Variants in MDGA2 observed in about 807,000 individuals in gnomAD.
MDGA2 encodes MAM domain-containing glycosylphosphatidylinositol anchor protein 2.
Under a neutral mutation model 117.8 loss-of-function variants are expected in MDGA2, and 40 were observed. The ratio of observed to expected loss-of-function variants is 0.34; its 90% CI spans 0.26 to 0.44. The LOEUF (loss-of-function observed/expected upper bound fraction) is 0.44. Ranked by LOEUF, MDGA2 falls within the 20% of genes least tolerant of loss-of-function variation. MDGA2 has a pLI of 1.00. For synonymous variants in MDGA2, 452 were observed against 439.0 expected (o/e 1.03, Z -0.37); for missense variants, 1,123 against 1,250.6 (o/e 0.90, Z 1.54).
At chr14:46,929,206 C>A (rs1481993460) in intron 9 of MDGA2, among the ~76,000 whole-genome samples, 1 of 152,000 alleles carries the variant, frequency 6.6e-6, no homozygotes, top group South Asian at 2.1e-4. Context: ...TTATTTTAAA[C>A]AAATATGCCA....
chr14:46,840,340 T>C lies in MDGA2; in HGVS notation c.*1591A>G, dbSNP rs1465861486. 3.3e-5 allele frequency: 5 copies of C among 152,436 alleles called. No individual in the cohort carries two copies. Among genetic ancestry groups the C allele is most frequent in the African/African-American group, 1.2e-4 (5 of 41,410 alleles). 9.4% of individuals were successfully genotyped at this position (152,436 alleles called of 1,614,324 possible). On this transcript the variant is annotated 3_prime_UTR_variant, in exon 17 of 17. Transcript: ENST00000399232. ...GAAAGAACATATAATAATAATATTC[T>C]TCTTAGACAAAAGTCTTTTTAAATG...
chr14:47,592,084 C>T (rs963177347), intron 1 of MDGA2, among the ~76,000 whole-genome samples: 4 of 151,916 alleles, frequency 2.6e-5, no homozygotes, highest in Admixed American at 6.6e-5. Context: ...ACAAGTATTC[C>T]TATAAACCAA....
At chr14:47,400,619 T>C (rs949631573) in intron 1 of MDGA2, among the ~76,000 whole-genome samples, 1 of 148,946 alleles carries the variant, frequency 6.7e-6, no homozygotes, top group Non-Finnish European at 1.5e-5. Context: ...CTGGGAGGCG[T>C]AGGTTGCAGT....
chr14:47,233,433 A>G lies in MDGA2; in HGVS notation c.421-15238T>C, dbSNP rs1330943497. On this transcript the variant is annotated intron_variant, in intron 2 of 16. Coordinates refer to ENST00000399232, the MANE Select transcript of MDGA2 (RefSeq NM_001113498.3). ...TACGCGCTTAGTTTTCAAGCTAGCA[A>G]TTATGTGAACATATATTCAACTTGC... 2.0e-5 allele frequency among the ~76,000 whole-genome samples: 3 copies of G among 152,148 alleles called. No homozygotes were observed. In the South Asian group the frequency reaches 6.2e-4, roughly 31 times the overall value.
intron 5 of MDGA2, among the ~76,000 whole-genome samples, chr14:47,122,513 A>G (rs761024443): frequency 5.9e-5 from 9 of 152,230 alleles, no homozygotes; most frequent in Non-Finnish European, 1.3e-4. Flanking sequence ...GACATAATCT[A>G]TCCTAGTATT....
chr14:47,626,774 C>T (rs1897151936), intron 1 of MDGA2, among the ~76,000 whole-genome samples: 1 of 152,242 alleles, frequency 6.6e-6, no homozygotes, highest in Non-Finnish European at 1.5e-5. Flanking sequence ...GGACCTGCAG[C>T]CCGCCATGCC....
chr14:47,025,300 A>G (rs1332852046), intron 8 of MDGA2, among the ~76,000 whole-genome samples: 1 of 152,206 alleles, frequency 6.6e-6, no homozygotes, highest in African/African-American at 2.4e-5. Flanking sequence ...TGACATTTCT[A>G]CATTAAATTG....
intron 2 of MDGA2, among the ~76,000 whole-genome samples, chr14:47,239,195 G>T (rs531529823): frequency 6.7e-6 from 1 of 148,386 alleles, no homozygotes; most frequent in African/African-American, 2.5e-5. Flanking sequence ...CCTGACGACC[G>T]TAACCTTTAC....
chr14:47,503,190 A>T (rs1361565643), intron 1 of MDGA2, among the ~76,000 whole-genome samples: 1 of 152,180 alleles, frequency 6.6e-6, no homozygotes, highest in Non-Finnish European at 1.5e-5. Flanking sequence ...TGTACTTGAA[A>T]TATAAATCTG....
chr14:47,583,806 T>C (rs966529162), intron 1 of MDGA2, among the ~76,000 whole-genome samples: 4 of 151,900 alleles, frequency 2.6e-5, no homozygotes, highest in Non-Finnish European at 4.4e-5. Context: ...GATTACCTTA[T>C]GTGTAAACAG....
chr14:47,026,895 G>A (rs1023248267), intron 8 of MDGA2, among the ~76,000 whole-genome samples: 6 of 152,062 alleles, frequency 3.9e-5, no homozygotes, highest in Non-Finnish European at 8.8e-5. Flanking sequence ...AACTCAGTGG[G>A]GCGTAGTGGT....
chr14:47,378,548 G>T (rs1891533799), intron 1 of MDGA2, among the ~76,000 whole-genome samples: 1 of 152,140 alleles, frequency 6.6e-6, no homozygotes, highest in Non-Finnish European at 1.5e-5. Flanking sequence ...GAAAACCATG[G>T]CAGGAGAACT....
At chr14:47,455,900 G>A (rs1230662368) in intron 1 of MDGA2, among the ~76,000 whole-genome samples, 1 of 152,016 alleles carries the variant, frequency 6.6e-6, no homozygotes, top group Non-Finnish European at 1.5e-5. Flanking sequence ...GGGAGGCTGA[G>A]ACAGGAGAAT....
At chr14:47,301,297 A>ACACACACACACACCCACC (rs1889274296) in intron 2 of MDGA2, 114 bp downstream of exon 2, 2 of 2,190 alleles carry the variant, frequency 9.1e-4, no homozygotes, top group South Asian at 3.4e-3. Flanking sequence ...ACACCCACCC[A>ACACACACACACACCCACC]CACACACACA....
chr14:47,048,678 C>T (rs1036436123), intron 7 of MDGA2, among the ~76,000 whole-genome samples: 2 of 151,998 alleles, frequency 1.3e-5, no homozygotes, highest in Non-Finnish European at 2.9e-5. Context: ...CATCTTTTGT[C>T]AAGAGCAAAA....
intron 2 of MDGA2, among the ~76,000 whole-genome samples, chr14:47,290,806 A>C (rs1361653070): frequency 2.0e-5 from 3 of 148,750 alleles, no homozygotes; most frequent in African/African-American, 4.9e-5. Flanking sequence ...AAAAAAAAAA[A>C]CACAATATAA....
chr14:47,076,297 G>GA (rs1408827481), intron 6 of MDGA2, among the ~76,000 whole-genome samples: 2 of 151,384 alleles, frequency 1.3e-5, no homozygotes, highest in African/African-American at 4.9e-5. Flanking sequence ...TAGATATTTT[G>GA]AAAAAAACAA....
At chr14:47,371,587 T>A (rs960452610) in intron 1 of MDGA2, among the ~76,000 whole-genome samples, 1 of 151,810 alleles carries the variant, frequency 6.6e-6, no homozygotes, top group Non-Finnish European at 1.5e-5. Context: ...GTTCCCTGTA[T>A]GGAATATCTC....
intron 1 of MDGA2, among the ~76,000 whole-genome samples, chr14:47,431,510 C>A (rs753373418): frequency 4.0e-5 from 6 of 151,848 alleles, no homozygotes; most frequent in Non-Finnish European, 7.4e-5. Context: ...TTAAATATTA[C>A]GCCTTTGGTA....
Sources: allele counts gnomAD v4.1 joint callset (sites outside exome capture counted in the v4.1 genomes callset), GRCh38; gene constraint gnomAD v4.1.1; transcripts MANE v1.5; gene names NCBI Gene and HGNC (gene_info 2026-07-23, HGNC 2026-07-21).